The following SLC24A4 variants were observed in gnomAD, a reference collection of about 807,000 sequenced individuals.
The protein encoded by SLC24A4 is solute carrier family 24 member 4, also known as sodium/potassium/calcium exchanger 4.
In SLC24A4, 53 loss-of-function variants were observed where a neutral mutation model predicts 79.0. That is an observed-to-expected ratio of 0.67 (90% CI 0.54 to 0.84). The LOEUF (loss-of-function observed/expected upper bound fraction) is 0.84, where lower values mean the gene tolerates loss of function less well. Among genes scored for constraint, SLC24A4 ranks in the 40% least tolerant of loss-of-function variants. The probability of loss-of-function intolerance (pLI) is 0.00; values close to 1 mark genes in which losing one functional copy is unlikely to be tolerated. For missense variants in SLC24A4, 731 were observed against 822.0 expected, an observed-to-expected ratio of 0.89 and a Z score of 1.35; for synonymous variants, 323 against 323.8, an observed-to-expected ratio of 1.00 and a Z score of 0.03.
In SLC24A4 at chr14:92,443,440, T is replaced by C. The variant is rs1892617767; in HGVS notation, c.623T>C (p.Val208Ala). Residue 208 changes from valine (V) to alanine (A), a missense_variant, in exon 7 of 17, where the codon GTG (valine) becomes GCG (alanine). Transcript: ENST00000532405. ...TGGTGGGCCGTGTGCCGAGACTCCGTGTACTACACCATCTCTGTCATCGTG... is the reference window on the plus strand; with the variant it reads ...TGGTGGGCCGTGTGCCGAGACTCCGCGTACTACACCATCTCTGTCATCGTG... ...LTWWAVCRDSVYYTISVIVLI... is the reference protein window; with the variant it reads ...LTWWAVCRDSAYYTISVIVLI... The C allele has an allele frequency of 2.5e-6, 4 of 1,614,172 alleles. No individual in the cohort carries two copies. Among genetic ancestry groups the C allele is most frequent in the Non-Finnish European group, 3.4e-6 (4 of 1,180,018 alleles).
At position 92,351,233 on chromosome 14, in the gene SLC24A4, C is replaced by A. The variant is rs537027555; in HGVS notation, c.241+25255C>A. Among the ~76,000 whole-genome samples the A allele has an allele frequency of 3.4e-3, 509 of 148,986 alleles. 1 individual carries two copies. The highest frequency in any genetic ancestry group is 0.012 in the African/African-American group (486 of 40,928). ...TCTCTCTCTTTCACACACACACATACACGCACACACACACACACACACACA... is the reference window on the plus strand; with the variant it reads ...TCTCTCTCTTTCACACACACACATAAACGCACACACACACACACACACACA... On this transcript the variant is annotated intron_variant, in intron 2 of 16. Coordinates refer to ENST00000532405, the MANE Select transcript of SLC24A4 (RefSeq NM_153646.4).
intron 2 of SLC24A4, among the ~76,000 whole-genome samples, chr14:92,391,386 G>A (rs942913912): frequency 6.6e-6 from 1 of 152,204 alleles, no homozygotes; most frequent in African/African-American, 2.4e-5. Flanking sequence ...TCCAGGGTGG[G>A]TTGTTACCAC....
intron 2 of SLC24A4, among the ~76,000 whole-genome samples, chr14:92,357,520 A>G (rs1484064379): frequency 6.6e-6 from 1 of 152,208 alleles, no homozygotes; most frequent in African/African-American, 2.4e-5. Flanking sequence ...CTGAAAAAGG[A>G]AGGAAATTCT....
rs1407363020 is a variant in SLC24A4, at chr14:92,398,238, A to G, written c.242-35674A>G. ...AATTGGTAGTCAGAAGCCATTTAGC[A>G]ACAGGACAGTTGAGTGCTAGACTAA... On this transcript the variant is annotated intron_variant, in intron 2 of 16. Transcript: ENST00000532405. The surrounding 1 kb of genome is among the most constrained non-coding windows in gnomAD (Gnocchi z 4.1). Among the ~76,000 whole-genome samples, 2 of 152,224 alleles carry G rather than the reference A, an allele frequency of 1.3e-5. No homozygotes were observed. Among genetic ancestry groups the G allele is most frequent in the Non-Finnish European group, 2.9e-5 (2 of 68,042 alleles).
At position 92,493,481 on chromosome 14, in the gene SLC24A4, C is replaced by T. The variant is rs774780896; in HGVS notation, c.1722C>T (p.Leu574=). Residue 574 remains leucine, a synonymous_variant, in exon 17 of 17, where the codon CTC becomes CTT. Transcript: ENST00000532405. The part of the protein sequence containing the change: ...LLLGSVALTV[L]GIHLNKWRLD... The stretch of plus-strand genomic sequence containing the variant: ...CCCACACTCTGTCCTCCCAGGTCCT[C>T]GGCATCCACCTAAACAAGTGGCGAC... 1.1e-5 allele frequency: 17 copies of T among 1,614,120 alleles called. No homozygotes were observed. The highest frequency in any genetic ancestry group is 8.3e-5 in the Admixed American group (5 of 60,030).
Position 92,356,288 on chromosome 14 carries a change from G to A in SLC24A4, c.241+30310G>A, listed in dbSNP as rs1030985267. ...GTATTTATCGAGATGTGACCCCATC[G>A]TAAGTTGAAGAGCATCTATACTTGG... On this transcript the variant is annotated intron_variant, in intron 2 of 16. Coordinates refer to ENST00000532405, the MANE Select transcript of SLC24A4 (RefSeq NM_153646.4). Among the ~76,000 whole-genome samples, 14 of 152,182 alleles carry A rather than the reference G, an allele frequency of 9.2e-5. 1 individual carries two copies. The highest frequency in any genetic ancestry group is 2.4e-5 in the African/African-American group (1 of 41,448).
intron 10 of SLC24A4, chr14:92,453,144 A>G (rs1390111993): frequency 6.6e-6 from 1 of 152,306 alleles, no homozygotes; most frequent in African/African-American, 2.4e-5. Context: ...GTCTGGGGAC[A>G]GGGAGTTTTG....
intron 8 of SLC24A4, among the ~76,000 whole-genome samples, chr14:92,446,149 A>G (rs939418400): frequency 2.6e-5 from 4 of 151,016 alleles, no homozygotes; most frequent in African/African-American, 9.8e-5. Context: ...TTGATTGCCA[A>G]CGATTCAGAA....
chr14:92,430,951 C>G lies in SLC24A4; in HGVS notation c.242-2961C>G, dbSNP rs567229509. On this transcript the variant is annotated intron_variant, in intron 2 of 16. Coordinates refer to ENST00000532405, the MANE Select transcript of SLC24A4 (RefSeq NM_153646.4). ...AGCAGGCTCAGCCCCCTCAGACACG[C>G]AAGCATCCCGCCCTTGAACATGGCC... Among the ~76,000 whole-genome samples the G allele has an allele frequency of 2.0e-5, 3 of 152,354 alleles. No homozygotes were observed. The East Asian group carries it at 5.8e-4, about 29-fold the overall frequency.
chr14:92,333,829 T>G, intron 2 of SLC24A4, among the ~76,000 whole-genome samples: 1 of 146,712 alleles, frequency 6.8e-6, no homozygotes. Flanking sequence ...GGGGAGAGGG[T>G]GGTAGAGTCT....
intron 12 of SLC24A4, among the ~76,000 whole-genome samples, chr14:92,475,927 G>A (rs948912762): frequency 3.9e-5 from 6 of 152,118 alleles, no homozygotes; most frequent in African/African-American, 1.2e-4. Context: ...GAAAAACATA[G>A]CAATGGAACG....
Position 92,456,391 on chromosome 14 carries a change from C to T in SLC24A4, c.1051-13C>T, listed in dbSNP as rs541104919. On this transcript the variant is annotated splice_polypyrimidine_tract_variant and intron_variant, in intron 11 of 16. Coordinates refer to ENST00000532405, the MANE Select transcript of SLC24A4 (RefSeq NM_153646.4). ...ACATGCCTTGGTGTCCATGTTGCCT[C>T]CTGTCCACACAGCGGCAGAGACTGA... 1.5e-4 allele frequency: 248 copies of T among 1,614,106 alleles called. 2 individuals carry two copies. The East Asian group carries it at 5.5e-3, about 36-fold the overall frequency.
At chr14:92,356,880 C>G (rs1195005906) in intron 2 of SLC24A4, among the ~76,000 whole-genome samples, 1 of 152,198 alleles carries the variant, frequency 6.6e-6, no homozygotes, top group Non-Finnish European at 1.5e-5. Context: ...GCCAGACCCC[C>G]TCATGGCACG....
At chr14:92,372,908 CCTTCCTTCCTTT>C (rs1435242539) in intron 2 of SLC24A4, among the ~76,000 whole-genome samples, 1 of 118,842 alleles carries the variant, frequency 8.4e-6, no homozygotes, top group African/African-American at 3.2e-5. Flanking sequence ...TTCCTTCCTT[CCTTCCTTCCTTT>C]CTTTCTCTTT....
chr14:92,381,240 A>T (rs1024972112), intron 2 of SLC24A4, among the ~76,000 whole-genome samples: 2 of 152,342 alleles, frequency 1.3e-5, no homozygotes, highest in Non-Finnish European at 2.9e-5. Context: ...ACCATGGAAT[A>T]CTATGCAGCC....
In SLC24A4 at chr14:92,335,529, A is replaced by ATT. The variant is rs11399019; in HGVS notation, c.241+9562_241+9563dup. 3.9e-3 allele frequency among the ~76,000 whole-genome samples: 576 copies of ATT among 147,182 alleles called. 3 individuals carry two copies. The highest frequency in any genetic ancestry group is 0.017 in the Middle Eastern group (5 of 286). ...GCCACCACGCCCAGCTAATTTTTGTATTTTTTTTTTTTAAGTAGAGATGGG... is the reference window on the plus strand; with the variant it reads ...GCCACCACGCCCAGCTAATTTTTGTATTTTTTTTTTTTTTAAGTAGAGATGGG... On this transcript the variant is annotated intron_variant, in intron 2 of 16. Coordinates refer to ENST00000532405, the MANE Select transcript of SLC24A4 (RefSeq NM_153646.4).
Position 92,324,974 on chromosome 14 carries a change from A to G in SLC24A4, c.131-894A>G, listed in dbSNP as rs149777900. Among the ~76,000 whole-genome samples the G allele has an allele frequency of 1.6e-3, 239 of 152,338 alleles. 1 individual carries two copies. The highest frequency in any genetic ancestry group is 3.4e-3 in the Middle Eastern group (1 of 294). On this transcript the variant is annotated intron_variant, in intron 1 of 16. Transcript: ENST00000532405. ...TTCGAAACCTAAACTTTGTGATTTGAGGATGCAGGGTTAAAAAGTGGCTCT... is the reference window on the plus strand; with the variant it reads ...TTCGAAACCTAAACTTTGTGATTTGGGGATGCAGGGTTAAAAAGTGGCTCT...
At chr14:92,346,273 G>T (rs1403597963) in intron 2 of SLC24A4, among the ~76,000 whole-genome samples, 1 of 152,198 alleles carries the variant, frequency 6.6e-6, no homozygotes, top group Non-Finnish European at 1.5e-5. Context: ...AGCAGTGCAG[G>T]AATATGAAAG....
rs772837162 is a variant in SLC24A4, at chr14:92,442,110, G to A, written c.415G>A (p.Val139Met). 4.3e-6 allele frequency: 7 copies of A among 1,613,888 alleles called. No homozygotes were observed. In the East Asian group the frequency reaches 1.3e-4, roughly 31 times the overall value. The change falls in exon 5 of 17, where the codon GTG (valine) becomes ATG (methionine). Residue 139 changes from valine (V) to methionine (M), a missense_variant. Val to Met is a conservative substitution (Grantham distance 21). Coordinates refer to ENST00000532405, the MANE Select transcript of SLC24A4 (RefSeq NM_153646.4). ...ICERLHLSED[V>M]AGATFMAAGS... ...TCAGAGACTCCATCTGAGCGAAGAT[G>A]TGGCTGGAGCCACCTTCATGGCTGC...
Sources: allele counts gnomAD v4.1 joint callset (sites outside exome capture counted in the v4.1 genomes callset), GRCh38; gene constraint gnomAD v4.1.1; non-coding constraint Gnocchi (gnomAD v3.1); transcripts MANE v1.5; gene names NCBI Gene and HGNC (gene_info 2026-07-23, HGNC 2026-07-21).